Variants in SDK1 observed in about 807,000 individuals in gnomAD.
SDK1 encodes the protein protein sidekick-1.
A neutral mutation model predicts 245.5 loss-of-function variants in SDK1; 157 were observed. That is an observed-to-expected ratio of 0.64 (90% confidence interval 0.56 to 0.73). The LOEUF is 0.73. Ranked by LOEUF, SDK1 falls within the 30% of genes least tolerant of loss-of-function variation. SDK1 has a pLI of 0.00. For missense variants in SDK1, 3,583 were observed against 3,002.3 expected (o/e 1.19, Z -4.52); for synonymous variants, 1,647 against 1,278.5 (o/e 1.29, Z -6.15).
intron 25 of SDK1, among the ~76,000 whole-genome samples, chr7:4,124,785 CTG>C (rs1230659888): frequency 2.0e-5 from 3 of 152,180 alleles, no homozygotes; most frequent in Non-Finnish European, 2.9e-5. Context: ...CTCTCAGTCT[CTG>C]TGTAATGAGG....
At chr7:4,018,253 C>G (rs1313329630) in intron 17 of SDK1, among the ~76,000 whole-genome samples, 1 of 152,208 alleles carries the variant, frequency 6.6e-6, no homozygotes, top group African/African-American at 2.4e-5. Flanking sequence ...AGACCTTGAC[C>G]TTTTTCAGAT....
At chr7:4,240,463 C>T (rs1202602405) in intron 42 of SDK1, among the ~76,000 whole-genome samples, 1 of 152,162 alleles carries the variant, frequency 6.6e-6, no homozygotes, top group African/African-American at 2.4e-5. Flanking sequence ...CACCTGCTCA[C>T]CTCCCATCAT....
At chr7:4,083,734 A>ACTTCCTCCCTTCTTTACTTCT in intron 22 of SDK1, among the ~76,000 whole-genome samples, 1 of 4,112 alleles carries the variant, frequency 2.4e-4, no homozygotes, top group African/African-American at 7.0e-4. Context: ...TACTTCCTCC[A>ACTTCCTCCCTTCTTTACTTCT]TCCCTCCCTT....
At chr7:4,152,776 C>G (rs1286396132) in intron 30 of SDK1, among the ~76,000 whole-genome samples, 1 of 152,200 alleles carries the variant, frequency 6.6e-6, no homozygotes, top group Non-Finnish European at 1.5e-5. Context: ...TTACTTTCAC[C>G]AGTTGTGTGA....
chr7:3,780,260 G>C (rs915445429), intron 4 of SDK1, among the ~76,000 whole-genome samples: 1 of 152,176 alleles, frequency 6.6e-6, no homozygotes, highest in South Asian at 2.1e-4. Flanking sequence ...CTGCCACAGG[G>C]AAAGAGAACC....
At chr7:3,640,776 T>C (rs938983969) in intron 3 of SDK1, among the ~76,000 whole-genome samples, 38 of 151,992 alleles carry the variant, frequency 2.5e-4, no homozygotes, top group African/African-American at 8.9e-4. Context: ...CTCCGCCTCC[T>C]AGGTTCAAGT....
intron 30 of SDK1, among the ~76,000 whole-genome samples, chr7:4,158,129 C>A (rs1780886453): frequency 6.6e-6 from 1 of 152,164 alleles, no homozygotes; most frequent in South Asian, 2.1e-4. Context: ...CAGAATCTTC[C>A]CCCTGGCCAG....
intron 5 of SDK1, among the ~76,000 whole-genome samples, chr7:3,916,143 C>CG (rs1562534358): frequency 6.6e-6 from 1 of 151,800 alleles, no homozygotes; most frequent in African/African-American, 2.4e-5. Context: ...GCAAGAGTAG[C>CG]GGGGGGTGGG....
intron 1 of SDK1, among the ~76,000 whole-genome samples, chr7:3,592,140 T>C (rs940268901): frequency 1.3e-5 from 2 of 152,216 alleles, no homozygotes; most frequent in Non-Finnish European, 2.9e-5. Flanking sequence ...AGTGAGGAAT[T>C]TCTTAGTGTT....
At chr7:3,391,045 T>A (rs149747407) in intron 1 of SDK1, among the ~76,000 whole-genome samples, 1 of 152,302 alleles carries the variant, frequency 6.6e-6, no homozygotes, top group East Asian at 1.9e-4. Flanking sequence ...TAGCTACCAT[T>A]GCTCTTTGAG....
At chr7:3,990,667 C>G (rs895689467) in intron 14 of SDK1, among the ~76,000 whole-genome samples, 1 of 152,190 alleles carries the variant, frequency 6.6e-6, no homozygotes, top group East Asian at 1.9e-4. Context: ...GACTGTGTCT[C>G]CTTTGTCTTC....
chr7:3,880,507 C>T (rs1781181284), intron 5 of SDK1, among the ~76,000 whole-genome samples: 1 of 148,900 alleles, frequency 6.7e-6, no homozygotes, highest in African/African-American at 2.5e-5. Context: ...CAGCGATGCG[C>T]AGATGCGTGG....
intron 5 of SDK1, among the ~76,000 whole-genome samples, chr7:3,823,074 C>T (rs1433132082): frequency 2.6e-5 from 4 of 152,046 alleles, no homozygotes; most frequent in African/African-American, 9.7e-5. Flanking sequence ...TTTGTGATGC[C>T]ATGGAGAATG....
Position 3,655,477 on chromosome 7 carries a change from A to G in SDK1, c.713+13372A>G, listed in dbSNP as rs866833969. 7.6e-3 allele frequency among the ~76,000 whole-genome samples: 668 copies of G among 88,180 alleles called. 17 individuals carry two copies. The highest frequency in any genetic ancestry group is 0.03 in the African/African-American group (613 of 20,102). 57.8% of individuals were successfully genotyped at this position (88,180 alleles called of 152,430 possible). Reference sequence around the variant, plus strand: ...TATATATATATATATATATATATATATATATATATATATATATATATATAT... The same window carrying G: ...TATATATATATATATATATATATATGTATATATATATATATATATATATAT... On this transcript the variant is annotated intron_variant, in intron 4 of 44. Coordinates refer to ENST00000404826, the MANE Select transcript of SDK1 (RefSeq NM_152744.4).
intron 4 of SDK1, among the ~76,000 whole-genome samples, chr7:3,682,432 T>C (rs373263595): frequency 1.3e-5 from 2 of 152,390 alleles, no homozygotes; most frequent in East Asian, 3.8e-4. Flanking sequence ...TCACAAATCA[T>C]GCACTGTCGT....
chr7:4,242,243 T>C lies in SDK1; in HGVS notation c.6251+330T>C, dbSNP rs535715183. On this transcript the variant is annotated intron_variant, in intron 43 of 44. Transcript: ENST00000404826. Reference sequence around the variant, plus strand: ...GCACCTTGGATCTGGGCGTTCCTAGTTCATGGAGGTGTCACCTGGGCTGCC... The same window carrying C: ...GCACCTTGGATCTGGGCGTTCCTAGCTCATGGAGGTGTCACCTGGGCTGCC... Among the ~76,000 whole-genome samples, 6 of 152,270 alleles carry C rather than the reference T, an allele frequency of 3.9e-5. No homozygotes were observed. In the East Asian group the frequency reaches 1.2e-3, roughly 30 times the overall value.
At chr7:3,931,098 C>T (rs781480790) in intron 5 of SDK1, among the ~76,000 whole-genome samples, 6 of 152,220 alleles carry the variant, frequency 3.9e-5, no homozygotes, top group South Asian at 2.1e-4. Flanking sequence ...ATCCGAGAGA[C>T]GTTATAAGGA....
intron 5 of SDK1, among the ~76,000 whole-genome samples, chr7:3,832,411 G>A (rs1176760993): frequency 6.6e-6 from 1 of 152,172 alleles, no homozygotes; most frequent in African/African-American, 2.4e-5. Context: ...TAGTCATAAT[G>A]TTTTATTACT....
intron 4 of SDK1, among the ~76,000 whole-genome samples, chr7:3,704,892 ATTCT>A (rs1784839816): frequency 6.6e-6 from 1 of 152,194 alleles, no homozygotes; most frequent in Non-Finnish European, 1.5e-5. Flanking sequence ...ATTCAGTTTC[ATTCT>A]TCTACATGTG....
Sources: allele counts gnomAD v4.1 joint callset (sites outside exome capture counted in the v4.1 genomes callset), GRCh38; gene constraint gnomAD v4.1.1; transcripts MANE v1.5; gene names NCBI Gene and HGNC (gene_info 2026-07-23, HGNC 2026-07-21).